Variants in SGSM3 observed in about 807,000 individuals in gnomAD.
SGSM3 encodes the protein small G protein signaling modulator 3.
Under a neutral mutation model 100.5 loss-of-function variants are expected in SGSM3, and 96 were observed. That is an observed-to-expected ratio of 0.96 (90% CI 0.81 to 1.13). The LOEUF is 1.13. Ranked by LOEUF, SGSM3 falls within the 50% of genes most tolerant of loss-of-function variation. SGSM3 has a pLI of 0.00. For missense variants in SGSM3, 1,001 were observed against 1,015.8 expected (o/e 0.99, Z 0.20); for synonymous variants, 483 against 422.8 (o/e 1.14, Z -1.75).
chr22:40,395,629 C>T (rs747495775), intron 1 of SGSM3, among the ~76,000 whole-genome samples: 4 of 151,904 alleles, frequency 2.6e-5, no homozygotes, highest in Admixed American at 1.3e-4. Context: ...GCCCCTGCCC[C>T]GTAACTCTTA....
chr22:40,379,109 G>A (rs903275337), intron 1 of SGSM3, among the ~76,000 whole-genome samples: 4 of 152,206 alleles, frequency 2.6e-5, no homozygotes, highest in Non-Finnish European at 4.4e-5. Flanking sequence ...CTGACATACA[G>A]TGTGGTCTCT....
At chr22:40,398,108 C>T (rs766791243) in intron 1 of SGSM3, among the ~76,000 whole-genome samples, 23 of 151,802 alleles carry the variant, frequency 1.5e-4, no homozygotes, top group Admixed American at 4.6e-4. Context: ...GCTGGGACTA[C>T]AGGCACACGC....
At chr22:40,379,949 G>C (rs1457360852) in intron 1 of SGSM3, among the ~76,000 whole-genome samples, 1 of 152,126 alleles carries the variant, frequency 6.6e-6, no homozygotes, top group East Asian at 1.9e-4. Context: ...GGGCTCAAGT[G>C]ATCCACCCTC....
intron 1 of SGSM3, among the ~76,000 whole-genome samples, chr22:40,393,146 C>G (rs2049578218): frequency 6.6e-6 from 1 of 152,194 alleles, no homozygotes; most frequent in Non-Finnish European, 1.5e-5. Context: ...GAGACAGAGT[C>G]TCACTTTGTT....
Position 40,408,389 on chromosome 22 carries a change from T to C in SGSM3, c.1742T>C (p.Leu581Pro). Reference protein sequence around the residue: ...LFEHGLKKPSLLGGACHPWLF... With the variant: ...LFEHGLKKPSPLGGACHPWLF... Reference sequence around the variant, plus strand: ...GAACATGGACTGAAGAAGCCATCCCTGCTTGGGGGCGCCTGCCACCCCTGG... The same window carrying C: ...GAACATGGACTGAAGAAGCCATCCCCGCTTGGGGGCGCCTGCCACCCCTGG... The change falls in exon 16 of 22, where the codon CTG becomes CCG. Residue 581 changes from leucine (L) to proline (P), a missense_variant. Leu to Pro is a moderately conservative substitution (Grantham distance 98, BLOSUM62 -3). Coordinates refer to ENST00000248929, the MANE Select transcript of SGSM3 (RefSeq NM_015705.6). 1 of 1,613,498 alleles carries C rather than the reference T, an allele frequency of 6.2e-7. No individual in the cohort carries two copies. The highest frequency in any genetic ancestry group is 8.5e-7 in the Non-Finnish European group (1 of 1,179,982).
At chr22:40,381,703 C>T (rs2047608905) in intron 1 of SGSM3, among the ~76,000 whole-genome samples, 1 of 152,108 alleles carries the variant, frequency 6.6e-6, no homozygotes, top group Non-Finnish European at 1.5e-5. Context: ...ACCAGTAATA[C>T]CAGCACTTTG....
chr22:40,394,644 T>C lies in SGSM3; in HGVS notation c.-111-6052T>C, dbSNP rs1014471369. Among the ~76,000 whole-genome samples the C allele has an allele frequency of 2.5e-3, 217 of 86,408 alleles. 1 individual carries two copies. Among genetic ancestry groups the C allele is most frequent in the African/African-American group, 7.3e-3 (168 of 22,912 alleles). 56.7% of individuals were successfully genotyped at this position (86,408 alleles called of 152,430 possible). ...TGGGTGACAGAGTAAGACTCCTGTC[T>C]CAAAAAAAAAAAAAAAAAAAAAATT... On this transcript the variant is annotated intron_variant, in intron 1 of 21. Transcript: ENST00000248929.
At chr22:40,394,561 G>T (rs147122512) in intron 1 of SGSM3, among the ~76,000 whole-genome samples, 1 of 150,728 alleles carries the variant, frequency 6.6e-6, no homozygotes, top group East Asian at 1.9e-4. Flanking sequence ...CAGGAAAATC[G>T]CTTGAACCCG....
At position 40,408,676 on chromosome 22, in the gene SGSM3, T is replaced by C. The variant is rs1350099960; in HGVS notation, c.1832T>C (p.Leu611Pro). 6.2e-7 allele frequency: 1 copy of C among 1,614,032 alleles called. No homozygotes were observed. The change falls in exon 17 of 22, where the codon CTG becomes CCG. Residue 611 changes from leucine to proline, a missense_variant. Leu to Pro is a moderately conservative substitution (Grantham distance 98). Transcript: ENST00000248929. ...ERDFASVYSR[L>P]VLCKTFRLDE... is the part of the protein sequence containing the mutation. ...GACTTTGCCTCCGTGTATTCCCGTCTGGTGCTCTGTAAGACCTTCAGGTAA... is the reference window on the plus strand; with the variant it reads ...GACTTTGCCTCCGTGTATTCCCGTCCGGTGCTCTGTAAGACCTTCAGGTAA...
At chr22:40,372,734 T>G (rs989623803) in intron 1 of SGSM3, 4 of 152,354 alleles carry the variant, frequency 2.6e-5, no homozygotes, top group African/African-American at 9.6e-5. Context: ...CTGGAGTGGA[T>G]GTAGGAACAG....
intron 10 of SGSM3, 78 bp downstream of exon 10, chr22:40,406,740 G>A: frequency 2.3e-6 from 3 of 1,277,756 alleles, no homozygotes; most frequent in Non-Finnish European, 3.3e-6. Context: ...AGAGCGCGGG[G>A]GCTGCGGAAA....
chr22:40,403,120 C>G (rs1340289107), intron 4 of SGSM3, among the ~76,000 whole-genome samples: 4 of 152,246 alleles, frequency 2.6e-5, no homozygotes, highest in Non-Finnish European at 2.9e-5. Flanking sequence ...AGAGTGTTCA[C>G]TGTTACACCT....
At position 40,407,150 on chromosome 22, in the gene SGSM3, C is replaced by T. The variant is rs565445507; in HGVS notation, c.1241-51C>T. 18 of 1,612,438 alleles carry T rather than the reference C, an allele frequency of 1.1e-5. No individual in the cohort carries two copies. In the East Asian group the frequency reaches 3.6e-4, roughly 32 times the overall value. ...GCTCATGTGGACGTGGAGCTTCCTCCTCGGGGGCCTGGAGTGGGCTGTGGT... is the reference window on the plus strand; with the variant it reads ...GCTCATGTGGACGTGGAGCTTCCTCTTCGGGGGCCTGGAGTGGGCTGTGGT... On this transcript the variant is annotated intron_variant, in intron 11 of 21. Transcript: ENST00000248929. The surrounding 1 kb of genome is among the most constrained non-coding windows in gnomAD (Gnocchi z 4.7).
chr22:40,382,382 T>C (rs1013210769), intron 1 of SGSM3, among the ~76,000 whole-genome samples: 2 of 152,256 alleles, frequency 1.3e-5, no homozygotes, highest in Admixed American at 6.5e-5. Context: ...CAGTTGCAGC[T>C]AGGTGGGACT....
intron 1 of SGSM3, among the ~76,000 whole-genome samples, chr22:40,395,325 C>A (rs1044779386): frequency 7.1e-6 from 1 of 141,270 alleles, no homozygotes; most frequent in African/African-American, 2.6e-5. Context: ...CCCCATAACT[C>A]TTTTTTTTTT....
chr22:40,376,178 C>CG (rs2046529305), intron 1 of SGSM3: 1 of 86,844 alleles, frequency 1.2e-5, no homozygotes. Flanking sequence ...CAAATTACCA[C>CG]TTTTTTTTTT....
Position 40,406,428 on chromosome 22 carries a change from C to A in SGSM3, c.961-10C>A. On this transcript the variant is annotated splice_polypyrimidine_tract_variant and intron_variant, in intron 9 of 21. Coordinates refer to ENST00000248929, the MANE Select transcript of SGSM3 (RefSeq NM_015705.6). ...ACCTTCTTCCCCCATCCTGCCCTGG[C>A]ATGGCCCAGGAGGAAGAGCTGATCC... 1 of 1,561,464 alleles carries A rather than the reference C, an allele frequency of 6.4e-7. No individual in the cohort carries two copies. Among genetic ancestry groups the A allele is most frequent in the Non-Finnish European group, 8.7e-7 (1 of 1,149,234 alleles).
rs1333216684 is a variant in SGSM3, at chr22:40,409,342, C to G, written c.2081C>G (p.Pro694Arg). The change falls in exon 20 of 22, where the codon CCG becomes CGG. Residue 694 changes from proline (P) to arginine (R), a missense_variant. Coordinates refer to ENST00000248929, the MANE Select transcript of SGSM3 (RefSeq NM_015705.6). ...WYQPWSFLRS[P>R]GWVQIKCELR... The stretch of plus-strand genomic sequence containing the variant: ...CAGCCCTGGTCCTTCCTGCGCAGCC[C>G]GGGCTGGGTCCAGATCAAGTGTGAG... 6.2e-7 allele frequency: 1 copy of G among 1,611,444 alleles called. No individual in the cohort carries two copies. Among genetic ancestry groups the G allele is most frequent in the South Asian group, 1.1e-5 (1 of 90,864 alleles).
chr22:40,404,218 T>C (rs770626104), intron 4 of SGSM3, 29 bp from the exon 5 acceptor site: 1 of 1,499,710 alleles, frequency 6.7e-7, no homozygotes, highest in Non-Finnish European at 8.9e-7. Context: ...AGAATGCTTT[T>C]TCTTTCCTCC....
Sources: gnomAD v4.1 joint callset for allele counts (sites outside exome capture counted in the v4.1 genomes callset) on GRCh38, gnomAD v4.1.1 for gene constraint, Gnocchi (gnomAD v3.1) non-coding constraint, MANE v1.5 for transcripts, NCBI Gene and HGNC (gene_info 2026-07-23, HGNC 2026-07-21) for gene names.